The following CHST8 variants were observed in gnomAD, a reference collection of about 807,000 sequenced individuals.
The protein encoded by CHST8 is GALNAC-4-ST1.
In CHST8, 10 loss-of-function variants were observed where a neutral mutation model predicts 15.0. The observed-to-expected ratio is 0.67, with a 90% CI of 0.41 to 1.13. CHST8 has a LOEUF of 1.13. Ranked by LOEUF, CHST8 falls within the 50% of genes most tolerant of loss-of-function variation. The pLI is 0.00. For synonymous variants in CHST8, 259 were observed against 256.6 expected, an observed-to-expected ratio of 1.01 and a Z score of -0.09; for missense variants, 634 against 608.2, an observed-to-expected ratio of 1.04 and a Z score of -0.45.
At chr19:33,625,908 T>C (rs1972047166) in intron 1 of CHST8, among the ~76,000 whole-genome samples, 1 of 152,148 alleles carries the variant, frequency 6.6e-6, no homozygotes, top group South Asian at 2.1e-4. Flanking sequence ...GATGTAGATA[T>C]GGCATCAGTG....
intron 1 of CHST8, among the ~76,000 whole-genome samples, chr19:33,629,655 C>T (rs1234570863): frequency 6.6e-6 from 1 of 152,246 alleles, no homozygotes; most frequent in Non-Finnish European, 1.5e-5. Flanking sequence ...AGGCCCTGAG[C>T]TGAGTGGCCA....
chr19:33,733,930 T>C (rs948292485), intron 3 of CHST8, among the ~76,000 whole-genome samples: 3 of 152,216 alleles, frequency 2.0e-5, no homozygotes, highest in African/African-American at 7.2e-5. Context: ...CTGTGATCTA[T>C]GAGGCAAGCC....
intron 2 of CHST8, among the ~76,000 whole-genome samples, chr19:33,686,865 G>A (rs567601516): frequency 1.3e-5 from 2 of 152,344 alleles, no homozygotes; most frequent in South Asian, 2.1e-4. Flanking sequence ...ATGCATATGT[G>A]TGTTATTGAA....
chr19:33,636,367 C>G (rs936980384), intron 1 of CHST8, among the ~76,000 whole-genome samples: 3 of 152,130 alleles, frequency 2.0e-5, no homozygotes. Flanking sequence ...CTAAATCGCC[C>G]TTGCCTTGAC....
rs1568365457 is a variant in CHST8 at position 33,771,941 on chromosome 19, TCTC to T, written c.169-15_169-13del. The T allele has an allele frequency of 3.2e-6, 5 of 1,539,196 alleles. No individual in the cohort carries two copies. In the African/African-American group the frequency reaches 6.9e-5, roughly 21 times the overall value. ...TGTCCTTTCCACTCAGATAACCACT[TCTC>T]TTCTTGCCCCAGGACCTCCCACCAG... On this transcript the variant is annotated splice_polypyrimidine_tract_variant and intron_variant, in intron 4 of 4. Coordinates refer to ENST00000650847, the MANE Select transcript of CHST8 (RefSeq NM_001127895.2).
intron 1 of CHST8, among the ~76,000 whole-genome samples, chr19:33,656,225 T>G (rs927522542): frequency 6.6e-6 from 1 of 152,204 alleles, no homozygotes; most frequent in South Asian, 2.1e-4. Context: ...TTTTTAAAAA[T>G]TACCATATTT....
intron 3 of CHST8, among the ~76,000 whole-genome samples, chr19:33,746,260 C>T (rs1256111996): frequency 6.6e-6 from 1 of 152,156 alleles, no homozygotes; most frequent in Non-Finnish European, 1.5e-5. Flanking sequence ...AAAACACATG[C>T]ATTGTTTATC....
chr19:33,720,513 C>T (rs1568341900), intron 3 of CHST8, among the ~76,000 whole-genome samples: 1 of 152,118 alleles, frequency 6.6e-6, no homozygotes, highest in East Asian at 1.9e-4. Context: ...CATATGCTTG[C>T]CACACACACA....
intron 1 of CHST8, among the ~76,000 whole-genome samples, chr19:33,654,666 TC>T (rs1972487913): frequency 6.6e-6 from 1 of 151,882 alleles, no homozygotes; most frequent in African/African-American, 2.4e-5. Flanking sequence ...CTGGGAGGCT[TC>T]CCCCTGCCTC....
At chr19:33,771,866 G>A in intron 4 of CHST8, 91 bp from the exon 5 acceptor site, 1 of 1,438,304 alleles carries the variant, frequency 7.0e-7, no homozygotes. Flanking sequence ...AGAGGGACAG[G>A]AACCCCAGCC....
chr19:33,639,086 CAAAA>C (rs34970478), intron 1 of CHST8, among the ~76,000 whole-genome samples: 6 of 64,674 alleles, frequency 9.3e-5, no homozygotes, highest in East Asian at 4.2e-4. Context: ...TGATCCTGAC[CAAAA>C]AAAAAAAAAA....
rs1352274395 is a variant in CHST8 at position 33,732,141 on chromosome 19, G to A, written c.131-39272G>A. On this transcript the variant is annotated intron_variant, in intron 3 of 4. Coordinates refer to ENST00000650847, the MANE Select transcript of CHST8 (RefSeq NM_001127895.2). ...TCTTTCTTTTGGGCTCTGAAAAGCC[G>A]CCCCCTGAGGCTCATGATTGCCCTT... 2.6e-5 allele frequency among the ~76,000 whole-genome samples: 4 copies of A among 152,122 alleles called. No homozygotes were observed. The East Asian group carries it at 5.8e-4, about 22-fold the overall frequency.
intron 2 of CHST8, among the ~76,000 whole-genome samples, chr19:33,673,725 T>TA (rs1256250273): frequency 6.6e-6 from 1 of 152,106 alleles, no homozygotes; most frequent in Non-Finnish European, 1.5e-5. Context: ...GAGGGGTCTC[T>TA]AGGCTCTAGC....
intron 3 of CHST8, among the ~76,000 whole-genome samples, chr19:33,736,125 C>A (rs1974079150): frequency 6.6e-6 from 1 of 152,200 alleles, no homozygotes; most frequent in African/African-American, 2.4e-5. Context: ...GTGTCATAGA[C>A]CCTCAGCCTG....
At position 33,697,366 on chromosome 19, in the gene CHST8, A is replaced by T. The variant is rs565066019; in HGVS notation, c.130+7975A>T. Among the ~76,000 whole-genome samples the T allele has an allele frequency of 1.0e-3, 155 of 151,732 alleles. 1 individual carries two copies. The highest frequency in any genetic ancestry group is 3.6e-3 in the African/African-American group (147 of 41,362). ...CATCTCAGCCTCCTGAGTAGCTGGG[A>T]CCACAGGCACCCCCCTCTTCACACC... On this transcript the variant is annotated intron_variant, in intron 3 of 4. Coordinates refer to ENST00000650847, the MANE Select transcript of CHST8 (RefSeq NM_001127895.2).
intron 3 of CHST8, among the ~76,000 whole-genome samples, chr19:33,729,128 T>C (rs1973952317): frequency 6.6e-6 from 1 of 152,132 alleles, no homozygotes; most frequent in Non-Finnish European, 1.5e-5. Flanking sequence ...TCCCAAGACC[T>C]CCAGGCCTCA....
intron 3 of CHST8, among the ~76,000 whole-genome samples, chr19:33,690,894 C>T (rs774957936): frequency 6.6e-6 from 1 of 152,184 alleles, no homozygotes; most frequent in African/African-American, 2.4e-5. Context: ...GGAAGAAGGG[C>T]GAGCAAACGC....
At chr19:33,626,300 G>A (rs1033191872) in intron 1 of CHST8, among the ~76,000 whole-genome samples, 2 of 151,974 alleles carry the variant, frequency 1.3e-5, no homozygotes, top group East Asian at 1.9e-4. Context: ...ATTCATTCCC[G>A]GACCCTTAGA....
intron 1 of CHST8, among the ~76,000 whole-genome samples, chr19:33,635,399 G>A (rs1972180766): frequency 6.6e-6 from 1 of 152,168 alleles, no homozygotes; most frequent in Admixed American, 6.5e-5. Context: ...ACTGCCACAA[G>A]AGGAGGGAGG....
Sources: gnomAD v4.1 joint callset for allele counts (sites outside exome capture counted in the v4.1 genomes callset) on GRCh38, gnomAD v4.1.1 for gene constraint, MANE v1.5 for transcripts, NCBI Gene and HGNC (gene_info 2026-07-23, HGNC 2026-07-21) for gene names.